The following RNF125 variants were observed in gnomAD, a reference collection of about 807,000 sequenced individuals.
RNF125 encodes E3 ubiquitin-protein ligase RNF125.
A neutral mutation model predicts 26.0 loss-of-function variants in RNF125; 21 were observed. That is an observed-to-expected ratio of 0.81 (90% CI 0.57 to 1.16). RNF125 has a LOEUF of 1.16. Ranked by LOEUF, RNF125 falls within the 50% of genes most tolerant of loss-of-function variation. The pLI, the probability that RNF125 is intolerant of heterozygous loss-of-function variation, is 0.00. For synonymous variants in RNF125, 95 were observed against 109.2 expected (o/e 0.87, Z 0.81); for missense variants, 270 against 299.4 (o/e 0.90, Z 0.72).
At chr18:32,024,386 C>T (rs2039014129) in intron 1 of RNF125, among the ~76,000 whole-genome samples, 1 of 151,706 alleles carries the variant, frequency 6.6e-6, no homozygotes, top group Non-Finnish European at 1.5e-5. Context: ...CCTTTCTCTC[C>T]AAGAACATAT....
At chr18:32,087,470 G>A in the RNF125 span, among the ~76,000 whole-genome samples, 1 of 151,778 alleles carries the variant, frequency 6.6e-6, no homozygotes, top group African/African-American at 2.4e-5. Flanking sequence ...TGTGGGATCT[G>A]ACACTGTCTC....
downstream of RNF125, among the ~76,000 whole-genome samples, chr18:32,073,675 C>T (rs922807728): frequency 5.9e-5 from 9 of 152,130 alleles, no homozygotes; most frequent in Admixed American, 6.5e-5. Context: ...AGCTGTCATG[C>T]GTACCCATAT....
At position 32,036,361 on chromosome 18, in the gene RNF125, T is replaced by C. The variant is rs565277412; in HGVS notation, c.165-755T>C. On this transcript the variant is annotated intron_variant, in intron 1 of 5. Transcript: ENST00000217740. ...ATGTATTAATACTCCCAAATAGATA[T>C]TATGTGCTGAGTAGTTTAAGAGGCA... Among the ~76,000 whole-genome samples the C allele has an allele frequency of 7.2e-5, 11 of 151,840 alleles. 1 individual carries two copies. The South Asian group carries it at 2.3e-3, about 32-fold the overall frequency.
In RNF125 at chr18:32,018,998, C is replaced by T. The variant is rs1568189438; in HGVS notation, c.135C>T (p.His45=). The stretch of plus-strand genomic sequence containing the variant: ...GCGCCGTGTGCCTTGAGGTGTTACA[C>T]CAGCCTGTCCGGACCCGCTGTGGCC... The part of the protein sequence containing the change: ...FDCAVCLEVL[H]QPVRTRCGHV... The change falls in exon 1 of 6, where the codon CAC becomes CAT. Residue 45 remains histidine, a synonymous_variant. Coordinates refer to ENST00000217740, the MANE Select transcript of RNF125 (RefSeq NM_017831.4). 1.9e-6 allele frequency: 3 copies of T among 1,613,562 alleles called. No individual in the cohort carries two copies. Among genetic ancestry groups the T allele is most frequent in the South Asian group, 1.1e-5 (1 of 90,986 alleles).
At chr18:32,031,166 C>T (rs781099896) in intron 1 of RNF125, 2 of 152,024 alleles carry the variant, frequency 1.3e-5, no homozygotes, top group African/African-American at 2.4e-5. Context: ...TATACAGGCA[C>T]ATTCATGGTC....
At position 32,059,916 on chromosome 18, in the gene RNF125, C is replaced by CTGTTTCCACCCACATCAAGTGTTGTTT. The variant is rs1261189403; in HGVS notation, c.505-5979_505-5953dup. On this transcript the variant is annotated intron_variant, in intron 4 of 5. Transcript: ENST00000217740. ...TCTGATCAAAAATGGAAAGAAACAT[C>CTGTTTCCACCCACATCAAGTGTTGTTT]TGTTTCCACCCACATCAAGTGTTGT... 1.6e-4 allele frequency among the ~76,000 whole-genome samples: 25 copies of CTGTTTCCACCCACATCAAGTGTTGTTT among 152,266 alleles called. No individual in the cohort carries two copies. The Middle Eastern group carries it at 0.014, about 83-fold the overall frequency.
chr18:32,084,357 A>G, the RNF125 span, among the ~76,000 whole-genome samples: 6 of 145,092 alleles, frequency 4.1e-5, no homozygotes, highest in African/African-American at 1.7e-4. Context: ...TATGTCTCCA[A>G]ACAAACAAAC....
chr18:32,056,253 C>G (rs1426940334), intron 4 of RNF125, among the ~76,000 whole-genome samples: 6 of 151,858 alleles, frequency 4.0e-5, no homozygotes, highest in Non-Finnish European at 8.8e-5. Context: ...ACTGACTCCT[C>G]GTAAATCTAG....
the RNF125 span, among the ~76,000 whole-genome samples, chr18:32,082,820 CT>C: frequency 6.6e-6 from 1 of 152,170 alleles, no homozygotes; most frequent in African/African-American, 2.4e-5. Context: ...GTCCCAGTTC[CT>C]TGGAGACCCT....
At chr18:32,022,132 T>G (rs1454693024) in intron 1 of RNF125, among the ~76,000 whole-genome samples, 3 of 152,214 alleles carry the variant, frequency 2.0e-5, no homozygotes, top group Non-Finnish European at 1.5e-5. Flanking sequence ...TAAATGCAAA[T>G]GAACCTTCTG....
At chr18:32,021,173 C>T (rs1035789780) in intron 1 of RNF125, among the ~76,000 whole-genome samples, 10 of 152,168 alleles carry the variant, frequency 6.6e-5, no homozygotes, top group South Asian at 2.1e-4. Context: ...CTCCGCCTCC[C>T]GGGTTCACGC....
At chr18:32,089,636 T>C in the RNF125 span, among the ~76,000 whole-genome samples, 1 of 152,254 alleles carries the variant, frequency 6.6e-6, no homozygotes, top group African/African-American at 2.4e-5. Flanking sequence ...CTTATTTTTT[T>C]AAGCTTAACT....
chr18:32,057,611 A>G (rs1164050461), intron 4 of RNF125, among the ~76,000 whole-genome samples: 1 of 152,128 alleles, frequency 6.6e-6, no homozygotes, highest in Non-Finnish European at 1.5e-5. Context: ...CTGGGATTAC[A>G]GGCATGAGCT....
chr18:32,089,347 C>T, the RNF125 span, among the ~76,000 whole-genome samples: 7 of 152,174 alleles, frequency 4.6e-5, no homozygotes, highest in African/African-American at 1.4e-4. Flanking sequence ...ACCCATCATC[C>T]TCCCTTCCCT....
intron 4 of RNF125, among the ~76,000 whole-genome samples, chr18:32,064,126 C>G (rs1450317349): frequency 4.6e-5 from 7 of 151,846 alleles, no homozygotes; most frequent in Admixed American, 4.6e-4. Flanking sequence ...TCTGGAGTAG[C>G]CAGGACTACA....
chr18:32,041,997 T>C, intron 2 of RNF125, 182 bp from the exon 3 acceptor site: 1 of 575,224 alleles, frequency 1.7e-6, no homozygotes, highest in Non-Finnish European at 3.1e-6. Context: ...TCGGAGAATT[T>C]GAAAAATAGT....
intron 4 of RNF125, among the ~76,000 whole-genome samples, chr18:32,047,796 A>G (rs959152118): frequency 2.6e-5 from 4 of 151,974 alleles, no homozygotes. Flanking sequence ...AGGTAGGTAG[A>G]TAGATAATGG....
At chr18:32,062,864 A>G (rs1184352270) in intron 4 of RNF125, among the ~76,000 whole-genome samples, 1 of 152,146 alleles carries the variant, frequency 6.6e-6, no homozygotes, top group Non-Finnish European at 1.5e-5. Context: ...ATACTACCTA[A>G]TTTACTACCT....
At position 32,048,570 on chromosome 18, in the gene RNF125, C is replaced by A. The variant is rs547859565; in HGVS notation, c.504+2838C>A. On this transcript the variant is annotated intron_variant, in intron 4 of 5. Transcript: ENST00000217740. ...ACTCAGAGAGGTTAAGTCAATCATA[C>A]AAGGTCACACAGCTGGTAAGTAACA... 2.0e-5 allele frequency among the ~76,000 whole-genome samples: 3 copies of A among 152,138 alleles called. 1 individual carries two copies. The South Asian group carries it at 6.2e-4, about 32-fold the overall frequency.
Sources: gnomAD v4.1 joint callset for allele counts (sites outside exome capture counted in the v4.1 genomes callset) on GRCh38, gnomAD v4.1.1 for gene constraint, MANE v1.5 for transcripts, NCBI Gene and HGNC (gene_info 2026-07-23, HGNC 2026-07-21) for gene names.